Variants in PAFAH1B1 observed in about 807,000 individuals in gnomAD.
PAFAH1B1 encodes platelet activating factor acetylhydrolase 1b regulatory subunit 1, also known as platelet-activating factor acetylhydrolase IB subunit beta.
PAFAH1B1 carries 2 observed loss-of-function variants against 57.5 expected under a neutral mutation model. The ratio of observed to expected loss-of-function variants is 0.03; its 90% confidence interval spans 0.01 to 0.11. PAFAH1B1 has a LOEUF of 0.11. Among genes scored for constraint, PAFAH1B1 ranks in the 10% least tolerant of loss-of-function variants. The probability of loss-of-function intolerance (pLI) is 1.00; values close to 1 mark genes in which losing one functional copy is unlikely to be tolerated. For missense variants in PAFAH1B1, 257 were observed against 512.0 expected, an observed-to-expected ratio of 0.50 and a Z score of 4.81; for synonymous variants, 152 against 169.6, an observed-to-expected ratio of 0.90 and a Z score of 0.81.
chr17:2,618,810 G>T (rs1218476360), intron 1 of PAFAH1B1, among the ~76,000 whole-genome samples: 1 of 150,172 alleles, frequency 6.7e-6, no homozygotes, highest in African/African-American at 2.4e-5. Flanking sequence ...CACTTGGGAG[G>T]CCGAGGTAGG....
chr17:2,657,038 C>A (rs74913199), intron 2 of PAFAH1B1, among the ~76,000 whole-genome samples: 1 of 152,194 alleles, frequency 6.6e-6, no homozygotes, highest in Non-Finnish European at 1.5e-5. Flanking sequence ...TCTCCTGCCT[C>A]AGCTTCACTA....
chr17:2,656,526 A>G (rs2068938545), intron 2 of PAFAH1B1, among the ~76,000 whole-genome samples: 2 of 152,068 alleles, frequency 1.3e-5, no homozygotes, highest in Non-Finnish European at 2.9e-5. Context: ...TGACTACCAT[A>G]TACTATGACT....
intron 2 of PAFAH1B1, among the ~76,000 whole-genome samples, chr17:2,664,407 C>CT (rs529716131): frequency 0.015 from 2,060 of 135,958 alleles, 40 homozygotes; most frequent in African/African-American, 0.04. Flanking sequence ...CACACCTGGC[C>CT]TTTTTTTTTT....
chr17:2,649,545 C>T (rs545447642), intron 2 of PAFAH1B1, among the ~76,000 whole-genome samples: 52 of 152,250 alleles, frequency 3.4e-4, no homozygotes, highest in African/African-American at 1.2e-3. Flanking sequence ...CACTGCACTC[C>T]AGCCTGGGCA....
In PAFAH1B1 at chr17:2,682,665, C is replaced by G. The variant is rs767091688; in HGVS notation, c.*863C>G. The stretch of plus-strand genomic sequence containing the variant: ...CCATTGAGTGTGTCATGGTACAAAT[C>G]ACTATTCGTTTTTGGTGTTTTTTAG... On this transcript the variant is annotated 3_prime_UTR_variant, in exon 11 of 11. Transcript: ENST00000397195. The G allele has an allele frequency of 5.2e-5, 8 of 152,574 alleles. No homozygotes were observed. The highest frequency in any genetic ancestry group is 1.2e-4 in the Non-Finnish European group (8 of 68,028). The allele number at this position is 152,574 out of a possible 1,614,324, so 9.5% of individuals were successfully genotyped here.
At chr17:2,661,592 G>A (rs925098785) in intron 2 of PAFAH1B1, among the ~76,000 whole-genome samples, 6 of 152,180 alleles carry the variant, frequency 3.9e-5, no homozygotes, top group East Asian at 3.9e-4. Flanking sequence ...AAGTCAGGTA[G>A]TACGTGTGAT....
rs146031818 is a variant in PAFAH1B1, at chr17:2,678,334, G to A, written c.1002+1728G>A. Among the ~76,000 whole-genome samples the A allele has an allele frequency of 9.1e-3, 1,373 of 151,338 alleles. 8 individuals carry two copies. The highest frequency in any genetic ancestry group is 0.014 in the Non-Finnish European group (928 of 67,864). ...GGCAAATCACTTTAACCTGGGAGGC[G>A]GAGGTTGCAGTGAGCCAAGATCACG... On this transcript the variant is annotated intron_variant, in intron 9 of 10. Transcript: ENST00000397195.
In PAFAH1B1 at chr17:2,647,877, G is replaced by A. The variant is rs547960647; in HGVS notation, c.32+9557G>A. 1.1e-3 allele frequency among the ~76,000 whole-genome samples: 173 copies of A among 151,778 alleles called. 1 individual carries two copies. The highest frequency in any genetic ancestry group is 2.1e-3 in the Non-Finnish European group (144 of 67,922). Reference sequence around the variant, plus strand: ...AAATTAGCCGGGCATGGTGGCGGGCGCCTTTAGTTCCAGCTACTCGGGAGG... The same window carrying A: ...AAATTAGCCGGGCATGGTGGCGGGCACCTTTAGTTCCAGCTACTCGGGAGG... On this transcript the variant is annotated intron_variant, in intron 2 of 10. Coordinates refer to ENST00000397195, the MANE Select transcript of PAFAH1B1 (RefSeq NM_000430.4).
chr17:2,630,014 ATGGT>A (rs1376365173), intron 1 of PAFAH1B1, among the ~76,000 whole-genome samples: 1 of 152,072 alleles, frequency 6.6e-6, no homozygotes, highest in Non-Finnish European at 1.5e-5. Context: ...GAGGCTGCAG[ATGGT>A]TGGTGAGTTC....
chr17:2,672,583 C>G, intron 6 of PAFAH1B1, 72 bp from the exon 7 acceptor site: 1 of 1,034,308 alleles, frequency 9.7e-7, no homozygotes, highest in Non-Finnish European at 1.5e-6. Context: ...TGGTAAAATC[C>G]CATGGTCAAT....
intron 1 of PAFAH1B1, among the ~76,000 whole-genome samples, chr17:2,631,393 C>T (rs1490381960): frequency 6.6e-6 from 1 of 152,142 alleles, no homozygotes; most frequent in African/African-American, 2.4e-5. Flanking sequence ...CAGGAGGCTT[C>T]CCACCCCATT....
intron 6 of PAFAH1B1, among the ~76,000 whole-genome samples, chr17:2,671,180 G>A (rs959666103): frequency 5.9e-5 from 9 of 151,802 alleles, no homozygotes; most frequent in African/African-American, 1.2e-4. Context: ...GGAATTCCAC[G>A]CATGAACACT....
At chr17:2,629,232 G>T (rs1321367460) in intron 1 of PAFAH1B1, among the ~76,000 whole-genome samples, 1 of 152,078 alleles carries the variant, frequency 6.6e-6, no homozygotes, top group African/African-American at 2.4e-5. Context: ...GGCGTTTAGG[G>T]CTATGAACTT....
chr17:2,659,677 TA>T (rs1157971218), intron 2 of PAFAH1B1, among the ~76,000 whole-genome samples: 5 of 138,152 alleles, frequency 3.6e-5, no homozygotes, highest in East Asian at 2.2e-4. Flanking sequence ...CTAAAAATAT[TA>T]AAAAAAAAAT....
intron 2 of PAFAH1B1, among the ~76,000 whole-genome samples, chr17:2,662,423 T>TGTGTGTGTGTGA (rs1032805011): frequency 6.9e-6 from 1 of 143,964 alleles, no homozygotes; most frequent in East Asian, 2.0e-4. Flanking sequence ...TGTGTGTGTG[T>TGTGTGTGTGTGA]GACGGAGTTT....
At chr17:2,623,251 T>G (rs2068446436) in intron 1 of PAFAH1B1, among the ~76,000 whole-genome samples, 2 of 146,848 alleles carry the variant, frequency 1.4e-5, no homozygotes, top group African/African-American at 2.5e-5. Flanking sequence ...AGAAAATGGG[T>G]TTTTCCTTTC....
rs528236667 is a variant in PAFAH1B1 at position 2,652,222 on chromosome 17, A to T, written c.33-13150A>T. Among the ~76,000 whole-genome samples, 3 of 151,910 alleles carry T rather than the reference A, an allele frequency of 2.0e-5. No individual in the cohort carries two copies. In the South Asian group the frequency reaches 6.2e-4, roughly 32 times the overall value. ...TCAGGAGATCGAGACCATCCTGGCT[A>T]ACACGGTGAAACCCCGTCTCTACTA... On this transcript the variant is annotated intron_variant, in intron 2 of 10. Transcript: ENST00000397195.
chr17:2,594,529 G>A (rs552528128), intron 1 of PAFAH1B1, among the ~76,000 whole-genome samples: 1 of 152,270 alleles, frequency 6.6e-6, no homozygotes, highest in Non-Finnish European at 1.5e-5. Context: ...GCACTCATAG[G>A]GCCTTCCAGG....
At chr17:2,604,873 T>C (rs1373957676) in intron 1 of PAFAH1B1, among the ~76,000 whole-genome samples, 2 of 152,068 alleles carry the variant, frequency 1.3e-5, no homozygotes, top group African/African-American at 2.4e-5. Flanking sequence ...GCAACATAAA[T>C]AGTCACAGAA....
Sources: allele counts gnomAD v4.1 joint callset (sites outside exome capture counted in the v4.1 genomes callset), GRCh38; gene constraint gnomAD v4.1.1; transcripts MANE v1.5; gene names NCBI Gene and HGNC (gene_info 2026-07-23, HGNC 2026-07-21).